The following PECR variants were observed in gnomAD, a reference collection of about 807,000 sequenced individuals.
PECR encodes the protein peroxisomal trans-2-enoyl-CoA reductase.
Under a neutral mutation model 35.3 loss-of-function variants are expected in PECR, and 30 were observed. That is an observed-to-expected ratio of 0.85 (90% CI 0.64 to 1.15). The LOEUF is 1.15. PECR is among the 50% of genes most tolerant of loss of function. PECR has a pLI of 0.00. For missense variants in PECR, 392 were observed against 370.8 expected, an observed-to-expected ratio of 1.06 and a Z score of -0.47; for synonymous variants, 148 against 138.9, an observed-to-expected ratio of 1.07 and a Z score of -0.46.
At chr2:216,045,311 T>TA (rs1694969844) in intron 6 of PECR, among the ~76,000 whole-genome samples, 1 of 152,224 alleles carries the variant, frequency 6.6e-6, no homozygotes, top group South Asian at 2.1e-4. Flanking sequence ...CATAGTCGCC[T>TA]ACTCAAACAC....
chr2:216,047,201 T>G (rs1349251467), intron 6 of PECR, among the ~76,000 whole-genome samples: 2 of 150,526 alleles, frequency 1.3e-5, no homozygotes, highest in African/African-American at 4.9e-5. Flanking sequence ...GAGGTTGTGG[T>G]GAGCCGAGAT....
chr2:216,066,473 G>A lies in PECR; in HGVS notation c.170C>T (p.Ser57Phe). Reference protein sequence around the residue: ...IASRKLERLKSAADELQANLP... With the variant: ...IASRKLERLKFAADELQANLP... ...GTTGGCCTGCAGTTCATCTGCCGCA[G>A]ACTTCAATCTCTCCAACTTACGGGA... is the stretch of plus-strand genomic sequence containing the variant. Residue 57 changes from serine to phenylalanine, a missense_variant, in exon 2 of 8, where the codon TCT (serine) becomes TTT (phenylalanine). Coordinates refer to ENST00000265322, the MANE Select transcript of PECR (RefSeq NM_018441.6). 6.2e-7 allele frequency: 1 copy of A among 1,613,644 alleles called. No homozygotes were observed. Among genetic ancestry groups the A allele is most frequent in the Admixed American group, 1.7e-5 (1 of 60,028 alleles).
intron 6 of PECR, among the ~76,000 whole-genome samples, chr2:216,046,203 G>A (rs1694985480): frequency 6.9e-6 from 1 of 145,064 alleles, no homozygotes; most frequent in Admixed American, 6.9e-5. Flanking sequence ...ATTTTAAAAT[G>A]AATTAATAAT....
At chr2:216,032,056 C>T (rs1164589557) in intron 7 of PECR, among the ~76,000 whole-genome samples, 1 of 152,216 alleles carries the variant, frequency 6.6e-6, no homozygotes, top group African/African-American at 2.4e-5. Flanking sequence ...CTTTGATAGA[C>T]AGCTTTTCAT....
intron 7 of PECR, among the ~76,000 whole-genome samples, chr2:216,031,685 AAGAAAG>A (rs762344420): frequency 0.041 from 2,196 of 53,926 alleles, 49 homozygotes; most frequent in African/African-American, 0.13. Flanking sequence ...GAAAGAAAGA[AAGAAAG>A]AGAAAGAAAG....
intron 3 of PECR, among the ~76,000 whole-genome samples, chr2:216,062,926 G>A (rs965175055): frequency 3.3e-5 from 5 of 152,196 alleles, no homozygotes; most frequent in Non-Finnish European, 5.9e-5. Context: ...GTGTGTAGCA[G>A]GCTATACCAT....
downstream of PECR, among the ~76,000 whole-genome samples, chr2:216,036,074 T>C (rs1380399950): frequency 6.6e-6 from 1 of 152,200 alleles, no homozygotes; most frequent in Non-Finnish European, 1.5e-5. Flanking sequence ...GCCTGAACCA[T>C]AGGCATGGAA....
chr2:216,034,754 G>A (rs189963329), downstream of PECR, among the ~76,000 whole-genome samples: 48 of 152,110 alleles, frequency 3.2e-4, no homozygotes, highest in Non-Finnish European at 6.3e-4. Context: ...GGGAGTGGGC[G>A]CTCCAGGGGA....
At chr2:216,068,935 AAAT>A (rs367967099) in intron 1 of PECR, among the ~76,000 whole-genome samples, 148 of 152,130 alleles carry the variant, frequency 9.7e-4, no homozygotes, top group African/African-American at 3.2e-3. Flanking sequence ...TTCAAAGCAA[AAAT>A]AATAACAACA....
chr2:216,081,573 A>G (rs779452733), intron 1 of PECR, 45 bp downstream of exon 1: 13 of 1,611,058 alleles, frequency 8.1e-6, no homozygotes, highest in Admixed American at 3.3e-5. Context: ...AGGTTACCCC[A>G]GGTCACCACA....
downstream of PECR, among the ~76,000 whole-genome samples, chr2:216,034,867 G>A (rs1402956719): frequency 6.6e-6 from 1 of 152,152 alleles, no homozygotes; most frequent in African/African-American, 2.4e-5. Flanking sequence ...TTGATAGCTG[G>A]ACTTCATCAC....
chr2:216,060,404 G>A (rs752713284), intron 3 of PECR, among the ~76,000 whole-genome samples: 8 of 152,130 alleles, frequency 5.3e-5, no homozygotes, highest in African/African-American at 1.7e-4. Flanking sequence ...GCTCACACCC[G>A]TAATCCCAGC....
At chr2:216,075,158 C>A (rs1460478481) in intron 1 of PECR, among the ~76,000 whole-genome samples, 1 of 151,910 alleles carries the variant, frequency 6.6e-6, no homozygotes, top group Non-Finnish European at 1.5e-5. Flanking sequence ...AGTTTAGATA[C>A]TTGGGAGGTT....
chr2:216,080,419 T>C (rs532913114), intron 1 of PECR, among the ~76,000 whole-genome samples: 4 of 152,364 alleles, frequency 2.6e-5, no homozygotes, highest in African/African-American at 4.8e-5. Flanking sequence ...TTCATTGTTA[T>C]TGATTTAACT....
At chr2:216,056,301 G>A (rs772139926) in intron 4 of PECR, among the ~76,000 whole-genome samples, 1 of 152,116 alleles carries the variant, frequency 6.6e-6, no homozygotes, top group Non-Finnish European at 1.5e-5. Flanking sequence ...TTCTATTGTA[G>A]AGGATACCTA....
chr2:216,053,982 A>T (rs1000378204), intron 4 of PECR, among the ~76,000 whole-genome samples: 2 of 152,118 alleles, frequency 1.3e-5, no homozygotes, highest in Non-Finnish European at 2.9e-5. Context: ...TTAGACTCTT[A>T]TGAAAGAAAT....
At chr2:216,034,760 G>C (rs570175044), downstream of PECR, among the ~76,000 whole-genome samples, 85 of 152,294 alleles carry the variant, frequency 5.6e-4, no homozygotes, top group African/African-American at 1.9e-3. Context: ...GGGCGCTCCA[G>C]GGGAGTGTCA....
chr2:216,071,729 G>A, intron 1 of PECR, among the ~76,000 whole-genome samples: 1 of 152,304 alleles, frequency 6.6e-6, no homozygotes, highest in Middle Eastern at 3.4e-3. Flanking sequence ...CGCCCTGCAA[G>A]TTAAGATGAC....
chr2:216,081,005 TTTATC>T (rs1398698942), intron 1 of PECR, among the ~76,000 whole-genome samples: 5 of 152,142 alleles, frequency 3.3e-5, no homozygotes, highest in African/African-American at 1.2e-4. Context: ...CAACAAACAA[TTTATC>T]TTATGTTGCA....
Sources: gnomAD v4.1 joint callset for allele counts (sites outside exome capture counted in the v4.1 genomes callset) on GRCh38, gnomAD v4.1.1 for gene constraint, MANE v1.5 for transcripts, NCBI Gene and HGNC (gene_info 2026-07-23, HGNC 2026-07-21) for gene names.